Variants in MS4A2 observed in about 807,000 individuals in gnomAD.
MS4A2 encodes membrane spanning 4-domains A2, also known as high affinity immunoglobulin epsilon receptor subunit beta.
Under a neutral mutation model 27.9 loss-of-function variants are expected in MS4A2, and 26 were observed. That is an observed-to-expected ratio of 0.93 (90% confidence interval 0.68 to 1.29). MS4A2 has a LOEUF of 1.29. MS4A2 is among the 50% of genes most tolerant of loss of function. MS4A2 has a pLI of 0.00. For synonymous variants in MS4A2, 110 were observed against 98.8 expected (o/e 1.11, Z -0.67); for missense variants, 284 against 284.6 (o/e 1.00, Z 0.01).
Position 60,093,834 on chromosome 11 carries a change from GTGTA to G in MS4A2, c.538-126_538-123del, listed in dbSNP as rs959245688. The G allele has an allele frequency of 4.3e-4, 300 of 696,918 alleles. 1 individual carries two copies. Among genetic ancestry groups the G allele is most frequent in the Non-Finnish European group, 6.7e-4 (260 of 390,166 alleles). The allele number at this position is 696,918 out of a possible 1,614,324, so 43.2% of individuals were successfully genotyped here. ...TGTGTGTGTGTGTGTGTGTGTGTGT[GTGTA>G]TGTGTCACTTTAAAAGGACTGGTCA... is the stretch of plus-strand genomic sequence containing the variant. On this transcript the variant is annotated intron_variant, in intron 5 of 6. Transcript: ENST00000278888.
At position 60,097,950 on chromosome 11, in the gene MS4A2, A is replaced by G. The variant is rs1481110337; in HGVS notation, c.*2294A>G. On this transcript the variant is annotated 3_prime_UTR_variant, in exon 7 of 7. Coordinates refer to ENST00000278888, the MANE Select transcript of MS4A2 (RefSeq NM_000139.5). The stretch of plus-strand genomic sequence containing the variant: ...TGCATCTCTACTCTTGATCATCTGT[A>G]GGTATTAATCACATCACTTCCATGG... The G allele has an allele frequency of 6.6e-6, 1 of 152,248 alleles. No homozygotes were observed. The highest frequency in any genetic ancestry group is 1.5e-5 in the Non-Finnish European group (1 of 68,042). The allele number at this position is 152,248 out of a possible 1,614,324, so 9.4% of individuals were successfully genotyped here. A position where few individuals can be genotyped will look rare whatever the true frequency, so the allele number is the denominator to read the frequency against.
chr11:60,093,252 T>C, intron 4 of MS4A2, 148 bp from the exon 5 acceptor site: 1 of 914,842 alleles, frequency 1.1e-6, no homozygotes, highest in Non-Finnish European at 1.7e-6. Flanking sequence ...CATTAAACAA[T>C]GCGGACATTT....
chr11:60,088,626 T>C (rs1234368927), upstream of MS4A2: 4 of 1,504,746 alleles, frequency 2.7e-6, no homozygotes, highest in Non-Finnish European at 2.7e-6. Context: ...GTCTGGCAAA[T>C]GACTTATGTA....
chr11:60,089,175 A>G (rs1388166005), intron 1 of MS4A2, among the ~76,000 whole-genome samples: 3 of 151,992 alleles, frequency 2.0e-5, no homozygotes, highest in Non-Finnish European at 2.9e-5. Flanking sequence ...ATACTTGATA[A>G]AGTAACCTGC....
intron 6 of MS4A2, among the ~76,000 whole-genome samples, chr11:60,095,023 A>T (rs1347306810): frequency 6.6e-6 from 1 of 152,010 alleles, no homozygotes; most frequent in Non-Finnish European, 1.5e-5. Flanking sequence ...GCACATTGGG[A>T]GGCCAAAGCT....
At chr11:60,093,609 A>G in intron 5 of MS4A2, 51 bp downstream of exon 5, 1 of 1,602,748 alleles carries the variant, frequency 6.2e-7, no homozygotes, top group Non-Finnish European at 8.5e-7. Flanking sequence ...TCCTAATGTA[A>G]GTAAGAAGCC....
chr11:60,091,851 A>C (rs150275147), intron 3 of MS4A2, among the ~76,000 whole-genome samples: 1 of 152,290 alleles, frequency 6.6e-6, no homozygotes, highest in Non-Finnish European at 1.5e-5. Context: ...TATTTCAAAC[A>C]CAGCTTATGA....
chr11:60,091,727 C>T (rs1464598313), intron 3 of MS4A2, among the ~76,000 whole-genome samples: 3 of 152,150 alleles, frequency 2.0e-5, no homozygotes, highest in African/African-American at 7.2e-5. Context: ...TAATTCTAGA[C>T]TATGTCACAT....
chr11:60,090,255 G>C, intron 2 of MS4A2, 81 bp from the exon 3 acceptor site: 1 of 1,416,854 alleles, frequency 7.1e-7, no homozygotes, highest in Non-Finnish European at 9.9e-7. Context: ...AGTTTCTCAT[G>C]TTTGGCTTCT....
chr11:60,092,119 G>A (rs1855770852), intron 3 of MS4A2, among the ~76,000 whole-genome samples: 1 of 151,944 alleles, frequency 6.6e-6, no homozygotes, highest in African/African-American at 2.4e-5. Context: ...TGAGAGTGGT[G>A]GTCTAATCGA....
Position 60,097,754 on chromosome 11 carries a change from T to A in MS4A2, c.*2098T>A, listed in dbSNP as rs1193688953. On this transcript the variant is annotated 3_prime_UTR_variant, in exon 7 of 7. Transcript: ENST00000278888. Reference sequence around the variant, plus strand: ...CAGGTAGATGTTAATTTCCCTAGATTGTGAAAGTGATCACGACAATCACAC... The same window carrying A: ...CAGGTAGATGTTAATTTCCCTAGATAGTGAAAGTGATCACGACAATCACAC... The A allele has an allele frequency of 1.3e-5, 2 of 152,202 alleles. No homozygotes were observed. The highest frequency in any genetic ancestry group is 1.3e-4 in the Admixed American group (2 of 15,282). The allele number at this position is 152,202 out of a possible 1,614,324, so 9.4% of individuals were successfully genotyped here.
chr11:60,093,962 A>C lies in MS4A2; in HGVS notation c.538-2A>C. The C allele has an allele frequency of 6.2e-7, 1 of 1,610,416 alleles. No homozygotes were observed. The highest frequency in any genetic ancestry group is 8.5e-7 in the Non-Finnish European group (1 of 1,176,596). ...TGTTTGTCATTTGTTGCTGTTCAATAGGAAATTGTAGTGATGATGCTGTTT... is the reference window on the plus strand; with the variant it reads ...TGTTTGTCATTTGTTGCTGTTCAATCGGAAATTGTAGTGATGATGCTGTTT... On this transcript the variant is annotated splice_acceptor_variant, in intron 5 of 6. Coordinates refer to ENST00000278888, the MANE Select transcript of MS4A2 (RefSeq NM_000139.5). LOFTEE classifies it high-confidence loss of function.
intron 2 of MS4A2, 108 bp downstream of exon 2, chr11:60,089,929 C>A: frequency 7.1e-7 from 1 of 1,399,574 alleles, no homozygotes; most frequent in East Asian, 2.3e-5. Context: ...GTGTTAGGTC[C>A]TTTAAAAAAC....
Position 60,098,198 on chromosome 11 carries a change from T to C in MS4A2, c.*2542T>C, listed in dbSNP as rs2847655. The C allele has an allele frequency of 0.29, 44,144 of 152,198 alleles. 8,182 individuals are homozygous for C. The highest frequency in any genetic ancestry group is 0.48 in the Middle Eastern group (140 of 292). The allele number at this position is 152,198 out of a possible 1,614,324, so 9.4% of individuals were successfully genotyped here. A position where few individuals can be genotyped will look rare whatever the true frequency, so the allele number is the denominator to read the frequency against. On this transcript the variant is annotated 3_prime_UTR_variant, in exon 7 of 7. Coordinates refer to ENST00000278888, the MANE Select transcript of MS4A2 (RefSeq NM_000139.5). The stretch of plus-strand genomic sequence containing the variant: ...CCCACCCTACCTGCCTTTTATAGTA[T>C]GCCCACCTCAGGCAGACACAGAGCA...
chr11:60,095,694 G>A lies in MS4A2; in HGVS notation c.*38G>A. 1 of 1,414,526 alleles carries A rather than the reference G, an allele frequency of 7.1e-7. No homozygotes were observed. The highest frequency in any genetic ancestry group is 1.2e-5 in the South Asian group (1 of 86,820). 87.6% of individuals were successfully genotyped at this position (1,414,526 alleles called of 1,614,324 possible). A position where few individuals can be genotyped will look rare whatever the true frequency, so the allele number is the denominator to read the frequency against. On this transcript the variant is annotated 3_prime_UTR_variant, in exon 7 of 7. Transcript: ENST00000278888. ...CAGAACACTCTGATTCACAGCCAAG[G>A]ATCCAGAAGGCCAAGGTCTTGTTAA...
Position 60,092,843 on chromosome 11 carries a change from T to C in MS4A2, c.373T>C (p.Tyr125His), listed in dbSNP as rs773116770. ...SIISERRNAT[Y>H]LVRGSLGANT... ...TATATCTGAAAGGAGAAATGCAACATATCTGGTGAGTTGCCCGTTTCTGTC... is the reference window on the plus strand; with the variant it reads ...TATATCTGAAAGGAGAAATGCAACACATCTGGTGAGTTGCCCGTTTCTGTC... Residue 125 changes from tyrosine to histidine, a missense_variant, in exon 4 of 7, where the codon TAT becomes CAT. Tyr to His is a moderately conservative substitution (Grantham distance 83, BLOSUM62 2). Transcript: ENST00000278888. 21 of 1,613,382 alleles carry C rather than the reference T, an allele frequency of 1.3e-5. 1 individual carries two copies. In the South Asian group the frequency reaches 1.3e-4, roughly 10 times the overall value.
chr11:60,096,560 A>G lies in MS4A2; in HGVS notation c.*904A>G, dbSNP rs1035227352. Reference sequence around the variant, plus strand: ...AATACATTAAGCGTTTGAGTCTAAGATGAAAGGAGAACACTGGTTATGTTG... The same window carrying G: ...AATACATTAAGCGTTTGAGTCTAAGGTGAAAGGAGAACACTGGTTATGTTG... On this transcript the variant is annotated 3_prime_UTR_variant, in exon 7 of 7. Coordinates refer to ENST00000278888, the MANE Select transcript of MS4A2 (RefSeq NM_000139.5). The G allele has an allele frequency of 1.3e-5, 2 of 152,168 alleles. No individual in the cohort carries two copies. Among genetic ancestry groups the G allele is most frequent in the African/African-American group, 4.8e-5 (2 of 41,442 alleles). The allele number at this position is 152,168 out of a possible 1,614,324, so 9.4% of individuals were successfully genotyped here.
intron 1 of MS4A2, among the ~76,000 whole-genome samples, chr11:60,089,094 G>T: frequency 6.6e-6 from 1 of 152,184 alleles, no homozygotes; most frequent in East Asian, 1.9e-4. Context: ...TTCATACTGT[G>T]TATGTAGATC....
intron 3 of MS4A2, 114 bp downstream of exon 3, chr11:60,090,584 T>G: frequency 1.1e-6 from 1 of 938,604 alleles, no homozygotes; most frequent in South Asian, 1.7e-5. Context: ...TAATTCTTAA[T>G]TATAAATTAT....
Sources: allele counts gnomAD v4.1 joint callset (sites outside exome capture counted in the v4.1 genomes callset), GRCh38; gene constraint gnomAD v4.1.1; transcripts MANE v1.5; gene names NCBI Gene and HGNC (gene_info 2026-07-23, HGNC 2026-07-21).